The following RFC4 variants were observed in gnomAD, a reference collection of about 807,000 sequenced individuals.
The protein encoded by RFC4 is A1 37 kDa subunit.
In RFC4, 38 loss-of-function variants were observed where a neutral mutation model predicts 47.6. That is an observed-to-expected ratio of 0.80 (90% CI 0.62 to 1.05). The LOEUF (loss-of-function observed/expected upper bound fraction) is 1.05. Among genes scored for constraint, RFC4 ranks in the 50% least tolerant of loss-of-function variants. RFC4 has a pLI of 0.00. For missense variants in RFC4, 489 were observed against 434.0 expected (o/e 1.13, Z -1.13); for synonymous variants, 164 against 150.0 (o/e 1.09, Z -0.68).
chr3:186,796,564 C>G lies in RFC4; in HGVS notation c.290+971G>C, dbSNP rs1397878911. Reference sequence around the variant, plus strand: ...GCGTGATCTCGGCTCACTGCAACCTCTGCCTCCCAGGTTCAAGTGATTCTC... The same window carrying G: ...GCGTGATCTCGGCTCACTGCAACCTGTGCCTCCCAGGTTCAAGTGATTCTC... On this transcript the variant is annotated intron_variant, in intron 4 of 10. Transcript: ENST00000296273. This position sits in a 1 kb window ranked among gnomAD's most constrained non-coding sequence, Gnocchi z 4.2. Among the ~76,000 whole-genome samples, 1 of 152,136 alleles carries G rather than the reference C, an allele frequency of 6.6e-6. No individual in the cohort carries two copies. The highest frequency in any genetic ancestry group is 1.5e-5 in the Non-Finnish European group (1 of 68,022).
chr3:186,800,278 A>T (rs1722326188), intron 3 of RFC4, among the ~76,000 whole-genome samples: 1 of 152,224 alleles, frequency 6.6e-6, no homozygotes, highest in African/African-American at 2.4e-5. Flanking sequence ...AGAGTATGCG[A>T]GTCAAATCAA....
chr3:186,800,592 T>C (rs994233992), intron 3 of RFC4, among the ~76,000 whole-genome samples: 7 of 152,214 alleles, frequency 4.6e-5, no homozygotes, highest in African/African-American at 1.4e-4. Context: ...CAATGCAAGT[T>C]ATCCATGGAT....
chr3:186,791,618 T>C, intron 8 of RFC4, 107 bp downstream of exon 8: 2 of 925,534 alleles, frequency 2.2e-6, no homozygotes, highest in South Asian at 2.6e-5. Context: ...TACTTCCTAG[T>C]GCAGTACTTG....
intron 7 of RFC4, 50 bp from the exon 8 acceptor site, chr3:186,791,900 A>C: frequency 6.8e-7 from 1 of 1,479,376 alleles, no homozygotes; most frequent in Non-Finnish European, 9.2e-7. Flanking sequence ...TTAAGGATTT[A>C]TAACTTTAAT....
At chr3:186,805,003 T>C (rs1722446168) in intron 1 of RFC4, 1 of 270,774 alleles carries the variant, frequency 3.7e-6, no homozygotes, top group African/African-American at 2.2e-5. Context: ...AGAACAAAGA[T>C]CATATGTCAC....
At position 186,796,189 on chromosome 3, in the gene RFC4, T is replaced by C. The variant is rs1579180020; in HGVS notation, c.290+1346A>G. Among the ~76,000 whole-genome samples, 1 of 136,658 alleles carries C rather than the reference T, an allele frequency of 7.3e-6. No homozygotes were observed. Among genetic ancestry groups the C allele is most frequent in the Non-Finnish European group, 1.6e-5 (1 of 61,812 alleles). 89.7% of individuals were successfully genotyped at this position (136,658 alleles called of 152,430 possible). A position where few individuals can be genotyped will look rare whatever the true frequency, so the allele number is the denominator to read the frequency against. ...TATTTTAAAGCCACAATATTAAATA[T>C]GAAATTCACTGTTAAAGTAAGTTCT... is the stretch of plus-strand genomic sequence containing the variant. On this transcript the variant is annotated intron_variant, in intron 4 of 10. Coordinates refer to ENST00000296273, the MANE Select transcript of RFC4 (RefSeq NM_002916.5). This position sits in a 1 kb window ranked among gnomAD's most constrained non-coding sequence, Gnocchi z 4.2.
chr3:186,792,562 A>G lies in RFC4; in HGVS notation c.603T>C (p.Pro201=). ...TSRCSKFRFK[P]LSDKIQQQRL... Reference sequence around the variant, plus strand: ...GCTGCTGTTGAATTTTATCTGACAGAGGCTTGAAGCGGAATTTTGAACATC... The same window carrying G: ...GCTGCTGTTGAATTTTATCTGACAGGGGCTTGAAGCGGAATTTTGAACATC... The change falls in exon 7 of 11, where the codon CCT becomes CCC. Residue 201 remains proline (P), a synonymous_variant. Transcript: ENST00000296273. 6.2e-7 allele frequency: 1 copy of G among 1,613,930 alleles called. No individual in the cohort carries two copies.
chr3:186,802,214 G>A (rs1167372618), intron 2 of RFC4, among the ~76,000 whole-genome samples: 2 of 151,824 alleles, frequency 1.3e-5, no homozygotes, highest in African/African-American at 2.4e-5. Flanking sequence ...AAATTAGGTG[G>A]GCGTGGTGGC....
At chr3:186,791,963 G>GA (rs1356316929) in intron 7 of RFC4, 113 bp from the exon 8 acceptor site, 7 of 901,288 alleles carry the variant, frequency 7.8e-6, no homozygotes, top group South Asian at 5.2e-5. Flanking sequence ...GAGTTAATGA[G>GA]AAAAAACATT....
intron 8 of RFC4, chr3:186,791,443 C>T (rs1192355102): frequency 2.5e-5 from 9 of 367,294 alleles, no homozygotes; most frequent in Non-Finnish European, 4.7e-5. Flanking sequence ...GCACTCCAGC[C>T]TGGGCGACAC....
At chr3:186,803,036 T>C (rs1360021093) in intron 2 of RFC4, among the ~76,000 whole-genome samples, 4 of 152,128 alleles carry the variant, frequency 2.6e-5, no homozygotes, top group African/African-American at 9.7e-5. Flanking sequence ...ATGAGGTTTA[T>C]TGGTGCCAAA....
intron 1 of RFC4, among the ~76,000 whole-genome samples, chr3:186,805,040 AT>A (rs1722447309): frequency 6.6e-6 from 1 of 152,192 alleles, no homozygotes; most frequent in African/African-American, 2.4e-5. Context: ...TTCCAAATGC[AT>A]TGATAAATAT....
intron 10 of RFC4, 38 bp downstream of exon 10, chr3:186,790,104 T>C (rs769355642): frequency 1.9e-6 from 3 of 1,604,892 alleles, no homozygotes; most frequent in Non-Finnish European, 2.6e-6. Context: ...CTTCAGGTAG[T>C]TAAATGTTCC....
At position 186,804,637 on chromosome 3, in the gene RFC4, G is replaced by A. The variant is rs558951265; in HGVS notation, c.77C>T (p.Ala26Val). Residue 26 changes from alanine (A) to valine (V), a missense_variant, in exon 2 of 11, where the codon GCG (alanine) becomes GTG (valine). Transcript: ENST00000296273. Reference sequence around the variant, plus strand: ...TTTCTTGTTCTCTCCGCTACTTCCCGCACTGGCAGCTACTCCTCGATCCTT... The same window carrying A: ...TTTCTTGTTCTCTCCGCTACTTCCCACACTGGCAGCTACTCCTCGATCCTT... ...LTKDRGVAAS[A>V]GSSGENKKAK... 8.7e-6 allele frequency: 14 copies of A among 1,613,938 alleles called. No homozygotes were observed. Among genetic ancestry groups the A allele is most frequent in the African/African-American group, 1.3e-5 (1 of 74,976 alleles).
Position 186,801,029 on chromosome 3 carries a change from C to T in RFC4, c.210+88G>A, listed in dbSNP as rs529475490. The T allele has an allele frequency of 1.6e-4, 150 of 955,854 alleles. 2 individuals are homozygous for T. The highest frequency in any genetic ancestry group is 1.5e-3 in the Middle Eastern group (7 of 4,660). The allele number at this position is 955,854 out of a possible 1,614,324, so 59.2% of individuals were successfully genotyped here. On this transcript the variant is annotated intron_variant, in intron 3 of 10. Coordinates refer to ENST00000296273, the MANE Select transcript of RFC4 (RefSeq NM_002916.5). ...ACTGTACACAGAGCAAGATATTTAA[C>T]GAGGGCTAGAAGTTATAAAGGAAGA...
chr3:186,794,808 A>G (rs1722210528), intron 4 of RFC4, 31 bp from the exon 5 acceptor site: 2 of 1,611,750 alleles, frequency 1.2e-6, no homozygotes, highest in African/African-American at 2.7e-5. Flanking sequence ...TATGAAACAT[A>G]GAGCACAAGT....
intron 2 of RFC4, among the ~76,000 whole-genome samples, chr3:186,803,915 C>A (rs1340610632): frequency 6.6e-6 from 1 of 152,094 alleles, no homozygotes; most frequent in Non-Finnish European, 1.5e-5. Flanking sequence ...GGCGCGGTGG[C>A]TCATGCATGT....
chr3:186,796,836 C>A lies in RFC4; in HGVS notation c.290+699G>T, dbSNP rs1722252995. ...ATCAGTTGTATGTCTGATATTAATT[C>A]TGGATAAACTCAAAACAGCCTTTGT... On this transcript the variant is annotated intron_variant, in intron 4 of 10. Transcript: ENST00000296273. The surrounding 1 kb of genome is among the most constrained non-coding windows in gnomAD (Gnocchi z 4.2). 6.6e-6 allele frequency among the ~76,000 whole-genome samples: 1 copy of A among 152,152 alleles called. No individual in the cohort carries two copies. Among genetic ancestry groups the A allele is most frequent in the Non-Finnish European group, 1.5e-5 (1 of 68,030 alleles).
At chr3:186,799,950 CTTAT>C (rs538864662) in intron 3 of RFC4, among the ~76,000 whole-genome samples, 457 of 151,860 alleles carry the variant, frequency 3.0e-3, no homozygotes, top group Non-Finnish European at 4.6e-3. Context: ...TTTTTTATTA[CTTAT>C]TTATTTATTT....
Sources: allele counts gnomAD v4.1 joint callset (sites outside exome capture counted in the v4.1 genomes callset), GRCh38; gene constraint gnomAD v4.1.1; non-coding constraint Gnocchi (gnomAD v3.1); transcripts MANE v1.5; gene names NCBI Gene and HGNC (gene_info 2026-07-23, HGNC 2026-07-21).